The following SLC4A7 variants were observed in gnomAD, a reference collection of about 807,000 sequenced individuals.
SLC4A7 encodes the protein solute carrier family 4 member 7.
SLC4A7 carries 51 observed loss-of-function variants against 137.6 expected under a neutral mutation model. The ratio of observed to expected loss-of-function variants is 0.37; its 90% confidence interval spans 0.30 to 0.47. SLC4A7 has a LOEUF of 0.47. Among genes scored for constraint, SLC4A7 ranks in the 20% least tolerant of loss-of-function variants. The pLI is 1.00. For missense variants in SLC4A7, 1,247 were observed against 1,525.4 expected, an observed-to-expected ratio of 0.82 and a Z score of 3.04; for synonymous variants, 542 against 518.6, an observed-to-expected ratio of 1.05 and a Z score of -0.61.
Position 27,409,337 on chromosome 3 carries a change from T to C in SLC4A7, c.1941+19A>G. On this transcript the variant is annotated intron_variant, in intron 13 of 25. Coordinates refer to ENST00000454389, the MANE Select transcript of SLC4A7 (RefSeq NM_001321103.2). ...TCTGAAGAGCTAAAAGCCTGGCCACTACCAATCTTTGTACTCACTATTCTG... is the reference window on the plus strand; with the variant it reads ...TCTGAAGAGCTAAAAGCCTGGCCACCACCAATCTTTGTACTCACTATTCTG... 2.5e-6 allele frequency: 4 copies of C among 1,575,082 alleles called. No homozygotes were observed. The highest frequency in any genetic ancestry group is 3.4e-6 in the Non-Finnish European group (4 of 1,165,242).
intron 1 of SLC4A7, among the ~76,000 whole-genome samples, chr3:27,458,035 T>C (rs1451318533): frequency 6.6e-6 from 1 of 152,170 alleles, no homozygotes; most frequent in Non-Finnish European, 1.5e-5. Flanking sequence ...AAATAACAGC[T>C]AGTTGAGTTC....
rs2049672514 is a variant in SLC4A7, at chr3:27,373,115, C to T, written c.*3649G>A. On this transcript the variant is annotated 3_prime_UTR_variant, in exon 26 of 26. Transcript: ENST00000454389. ...AATAATAAAGCAACAAAAGCCACAACACAAAAACTAATCAGTGTGCAAAAA... is the reference window on the plus strand; with the variant it reads ...AATAATAAAGCAACAAAAGCCACAATACAAAAACTAATCAGTGTGCAAAAA... 1 of 142,880 alleles carries T rather than the reference C, an allele frequency of 7.0e-6. No individual in the cohort carries two copies. Among genetic ancestry groups the T allele is most frequent in the Admixed American group, 6.9e-5 (1 of 14,434 alleles). The allele number at this position is 142,880 out of a possible 1,614,324, so 8.9% of individuals were successfully genotyped here.
At chr3:27,451,493 C>G (rs2058073092) in intron 2 of SLC4A7, among the ~76,000 whole-genome samples, 1 of 152,030 alleles carries the variant, frequency 6.6e-6, no homozygotes, top group Non-Finnish European at 1.5e-5. Context: ...CCTCCACCTA[C>G]TCATGCCAAA....
intron 1 of SLC4A7, among the ~76,000 whole-genome samples, chr3:27,477,668 G>A (rs1290345958): frequency 2.6e-5 from 4 of 152,204 alleles, no homozygotes; most frequent in East Asian, 3.9e-4. Flanking sequence ...GCAGTGGCGC[G>A]ATCTTGGCTC....
intron 1 of SLC4A7, among the ~76,000 whole-genome samples, chr3:27,478,372 G>T (rs2059555113): frequency 6.6e-6 from 1 of 151,062 alleles, no homozygotes; most frequent in Non-Finnish European, 1.5e-5. Flanking sequence ...ACAAAAATTA[G>T]CCGGGCGTGG....
In SLC4A7 at chr3:27,484,197, C is replaced by CCTG; in HGVS notation, c.-74_-72dup. ...CGGTCTGCCTGCTTCTGCCGCTGCC[C>CCTG]CTGCCGCCGCCGCCGAGCCCCCGGC... On this transcript the variant is annotated 5_prime_UTR_variant, in exon 1 of 26. Transcript: ENST00000454389. 8.5e-7 allele frequency: 1 copy of CCTG among 1,176,380 alleles called. No individual in the cohort carries two copies. Among genetic ancestry groups the CCTG allele is most frequent in the Non-Finnish European group, 1.1e-6 (1 of 935,954 alleles). The allele number at this position is 1,176,380 out of a possible 1,614,324, so 72.9% of individuals were successfully genotyped here.
chr3:27,454,587 G>A (rs1005470524), intron 1 of SLC4A7, among the ~76,000 whole-genome samples: 1 of 152,146 alleles, frequency 6.6e-6, no homozygotes, highest in Non-Finnish European at 1.5e-5. Flanking sequence ...AACCCCAAAA[G>A]TGCAAGAATG....
chr3:27,431,697 G>A (rs375491370), intron 6 of SLC4A7, 28 bp from the exon 7 acceptor site: 2 of 1,502,826 alleles, frequency 1.3e-6, no homozygotes, highest in South Asian at 1.4e-5. Flanking sequence ...AATGAAAAAT[G>A]ATGAAGTCCA....
At chr3:27,398,455 G>T (rs531426420) in intron 16 of SLC4A7, 102 bp from the exon 17 acceptor site, 104 of 980,428 alleles carry the variant, frequency 1.1e-4, no homozygotes, top group Middle Eastern at 9.0e-4. Flanking sequence ...ATTGTAAGAG[G>T]CACCATTACT....
chr3:27,419,565 A>G (rs1352248973), intron 10 of SLC4A7, among the ~76,000 whole-genome samples: 1 of 150,940 alleles, frequency 6.6e-6, no homozygotes, highest in African/African-American at 2.4e-5. Flanking sequence ...CAAACTCCCG[A>G]CCTCAAGTGA....
At chr3:27,381,327 C>T (rs886188620) in intron 24 of SLC4A7, among the ~76,000 whole-genome samples, 3 of 152,116 alleles carry the variant, frequency 2.0e-5, no homozygotes, top group African/African-American at 4.8e-5. Context: ...CAAATACTCT[C>T]GGCAAATTGG....
intron 15 of SLC4A7, 68 bp downstream of exon 15, chr3:27,403,071 C>A: frequency 1.5e-5 from 22 of 1,497,302 alleles, no homozygotes; most frequent in Non-Finnish European, 1.9e-5. Flanking sequence ...AAAAAAAATT[C>A]ATTTTCTGAG....
rs2053692410 is a variant in SLC4A7 at position 27,409,447 on chromosome 3, C to A, written c.1850G>T (p.Cys617Phe). The A allele has an allele frequency of 1.2e-6, 2 of 1,613,890 alleles. No homozygotes were observed. Among genetic ancestry groups the A allele is most frequent in the African/African-American group, 1.3e-5 (1 of 75,028 alleles). ...GTATAGGAAAAGAATCGAGGCCAGG[C>A]ACTGCAGGCTTAATGCATCCTTGAA... The part of the protein sequence containing the change: ...SDFKDALSLQ[C>F]LASILFLYCA... The change falls in exon 13 of 26, where the codon TGC becomes TTC. Residue 617 changes from cysteine (C) to phenylalanine (F), a missense_variant. Around this residue, in one of 6 missense-constraint regions of SLC4A7, gnomAD observed 499 missense variants for 664.2 expected, o/e 0.75. Transcript: ENST00000454389.
rs2054990651 is a variant in SLC4A7 at position 27,421,638 on chromosome 3, C to T, written c.1408G>A (p.Val470Ile). 1.2e-6 allele frequency: 2 copies of T among 1,613,192 alleles called. No homozygotes were observed. ...PAVLLTGLTE[V>I]PVPTRFLFLL... ...ACTCTTTACCTGGTTGGAACAGGGA[C>T]CTCAGTCAACCCTGTAAGGAGGACA... is the stretch of plus-strand genomic sequence containing the variant. Residue 470 changes from valine (V) to isoleucine (I), a missense_variant, in exon 9 of 26, where the codon GTC (valine) becomes ATC (isoleucine). Around this residue, in one of 6 missense-constraint regions of SLC4A7, gnomAD observed 499 missense variants for 664.2 expected, o/e 0.75. Transcript: ENST00000454389.
chr3:27,483,032 G>A (rs1161283284), intron 1 of SLC4A7, among the ~76,000 whole-genome samples: 4 of 152,332 alleles, frequency 2.6e-5, no homozygotes, highest in East Asian at 3.9e-4. Context: ...AAACATAGGA[G>A]AAGTAATTTT....
intron 3 of SLC4A7, among the ~76,000 whole-genome samples, chr3:27,443,277 G>A (rs1176766121): frequency 1.3e-5 from 2 of 151,778 alleles, no homozygotes; most frequent in African/African-American, 2.4e-5. Context: ...TGATCCGCCC[G>A]CCTCGGCCTC....
chr3:27,459,971 T>TTTTATA (rs1480679592), intron 1 of SLC4A7, among the ~76,000 whole-genome samples: 1 of 144,588 alleles, frequency 6.9e-6, no homozygotes, highest in Non-Finnish European at 1.5e-5. Context: ...TCAGTGTTAT[T>TTTTATA]TATATATATA....
chr3:27,436,440 G>A lies in SLC4A7; in HGVS notation c.537C>T (p.Leu179=). 6.2e-7 allele frequency: 1 copy of A among 1,613,512 alleles called. No individual in the cohort carries two copies. The highest frequency in any genetic ancestry group is 8.5e-7 in the Non-Finnish European group (1 of 1,179,652). The change falls in exon 5 of 26, where the codon CTC becomes CTT. Residue 179 remains leucine, a synonymous_variant. Transcript: ENST00000454389. The stretch of plus-strand genomic sequence containing the variant: ...TCATATCCAGCATGACTGTTCCATT[G>A]AGGATGCAACTCCTTAGTTCAAAAA... ...HSLFELRSCI[L]NGTVMLDMRA...
intron 2 of SLC4A7, among the ~76,000 whole-genome samples, chr3:27,451,477 C>T (rs1194463143): frequency 6.6e-6 from 1 of 152,026 alleles, no homozygotes; most frequent in Non-Finnish European, 1.5e-5. Flanking sequence ...TCCCAAATAA[C>T]CATAACCTCC....
Sources: allele counts gnomAD v4.1 joint callset (sites outside exome capture counted in the v4.1 genomes callset), GRCh38; gene constraint gnomAD v4.1.1; regional missense constraint gnomAD v4.1.1; transcripts MANE v1.5; gene names NCBI Gene and HGNC (gene_info 2026-07-23, HGNC 2026-07-21).